Variants in RALGPS1 observed in about 807,000 individuals in gnomAD.
RALGPS1 encodes ras-specific guanine nucleotide-releasing factor RalGPS1.
Under a neutral mutation model 78.8 loss-of-function variants are expected in RALGPS1, and 19 were observed. The ratio of observed to expected loss-of-function variants is 0.24; its 90% CI spans 0.17 to 0.35. RALGPS1 has a LOEUF of 0.35. Ranked by LOEUF, RALGPS1 falls within the 10% of genes least tolerant of loss-of-function variation. RALGPS1 has a pLI of 1.00. For synonymous variants in RALGPS1, 228 were observed against 256.3 expected (o/e 0.89, Z 1.06); for missense variants, 454 against 688.3 (o/e 0.66, Z 3.81).
intron 1 of RALGPS1, among the ~76,000 whole-genome samples, chr9:126,946,862 A>T (rs2037322445): frequency 6.6e-6 from 1 of 152,158 alleles, no homozygotes; most frequent in Non-Finnish European, 1.5e-5. Flanking sequence ...GGAAGAAATC[A>T]GGTCTTGTCA....
chr9:127,216,808 C>T, intron 18 of RALGPS1: 1 of 1,153,598 alleles, frequency 8.7e-7, no homozygotes, highest in African/African-American at 1.6e-5. Context: ...CTGGCCTCCT[C>T]CATACTGGTC....
rs2042640660 is a variant in RALGPS1 at position 126,995,344 on chromosome 9, A to G, written c.216+17599A>G. On this transcript the variant is annotated intron_variant, in intron 4 of 18. Transcript: ENST00000259351. ...TAAAGGGATAGAGGAAGATCTACCA[A>G]GCAAATGGAAAACAAAAAAAGGCAA... is the stretch of plus-strand genomic sequence containing the variant. 2.0e-5 allele frequency among the ~76,000 whole-genome samples: 3 copies of G among 152,292 alleles called. No homozygotes were observed. The South Asian group carries it at 6.2e-4, about 32-fold the overall frequency.
intron 7 of RALGPS1, among the ~76,000 whole-genome samples, chr9:127,060,678 G>A (rs2049134698): frequency 6.6e-6 from 1 of 152,078 alleles, no homozygotes; most frequent in Non-Finnish European, 1.5e-5. Flanking sequence ...GGGACTTGCT[G>A]TCTCTGGGCC....
chr9:127,218,679 A>C lies in RALGPS1; in HGVS notation c.1645-61A>C. The stretch of plus-strand genomic sequence containing the variant: ...AGGCCTGTCCCTTCCCCTAGGGACC[A>C]CCACCCCTTGTCCTTCTCTGAGGTC... On this transcript the variant is annotated intron_variant, in intron 18 of 18. Transcript: ENST00000259351. The surrounding 1 kb of genome is among the most constrained non-coding windows in gnomAD (Gnocchi z 4.4). The C allele has an allele frequency of 6.4e-7, 1 of 1,560,748 alleles. No individual in the cohort carries two copies. The highest frequency in any genetic ancestry group is 8.8e-7 in the Non-Finnish European group (1 of 1,131,604).
At chr9:126,933,124 G>A (rs756347277) in intron 1 of RALGPS1, among the ~76,000 whole-genome samples, 2 of 152,150 alleles carry the variant, frequency 1.3e-5, no homozygotes, top group Non-Finnish European at 2.9e-5. Context: ...AAAGGAAGGC[G>A]GCGCTGGTGT....
Position 127,215,719 on chromosome 9 carries a change from T to C in RALGPS1, c.1644+877T>C, listed in dbSNP as rs191011836. Among the ~76,000 whole-genome samples, 27 of 152,306 alleles carry C rather than the reference T, an allele frequency of 1.8e-4. No individual in the cohort carries two copies. The East Asian group carries it at 4.8e-3, about 27-fold the overall frequency. On this transcript the variant is annotated intron_variant, in intron 18 of 18. Coordinates refer to ENST00000259351, the MANE Select transcript of RALGPS1 (RefSeq NM_014636.3). ...GCACATCCCCAGCTGTCAAGGCTTA[T>C]GAGAGAAATGGCTACCTGAGCCCTC...
At chr9:127,121,063 C>T (rs2056030378) in intron 8 of RALGPS1, among the ~76,000 whole-genome samples, 2 of 152,172 alleles carry the variant, frequency 1.3e-5, no homozygotes, top group South Asian at 4.1e-4. Flanking sequence ...CTGGCACTTA[C>T]TAGCCATGTA....
intron 3 of RALGPS1, among the ~76,000 whole-genome samples, chr9:126,968,331 A>G (rs1167590619): frequency 1.3e-5 from 2 of 152,226 alleles, no homozygotes; most frequent in African/African-American, 4.8e-5. Flanking sequence ...CAACAACTCA[A>G]TGAGTCATAT....
intron 4 of RALGPS1, among the ~76,000 whole-genome samples, chr9:126,984,444 T>C (rs2041611477): frequency 6.6e-6 from 1 of 152,242 alleles, no homozygotes; most frequent in Non-Finnish European, 1.5e-5. Context: ...CCTCATCAGC[T>C]AGGGCTACTT....
intron 4 of RALGPS1, among the ~76,000 whole-genome samples, chr9:127,009,018 C>T (rs1250858280): frequency 9.2e-5 from 14 of 152,216 alleles, no homozygotes; most frequent in Admixed American, 3.3e-4. Context: ...TCAAAATCCA[C>T]GCAAGATCCT....
At chr9:127,194,974 C>G in intron 11 of RALGPS1, 117 bp from the exon 12 acceptor site, 1 of 1,247,684 alleles carries the variant, frequency 8.0e-7, no homozygotes, top group Non-Finnish European at 1.1e-6. Flanking sequence ...CCTGTGACAG[C>G]TGGGCCAGTT....
At chr9:127,136,881 T>C (rs1288048976) in intron 8 of RALGPS1, among the ~76,000 whole-genome samples, 1 of 152,178 alleles carries the variant, frequency 6.6e-6, no homozygotes. Flanking sequence ...AACACTGCTC[T>C]AGATTCTCAT....
chr9:127,052,404 C>T (rs770771820), intron 6 of RALGPS1, among the ~76,000 whole-genome samples: 2 of 152,204 alleles, frequency 1.3e-5, no homozygotes, highest in African/African-American at 2.4e-5. Context: ...TGGGGAAGCC[C>T]GAGCATTGCC....
intron 1 of RALGPS1, among the ~76,000 whole-genome samples, chr9:126,931,633 A>T (rs970910988): frequency 2.0e-5 from 3 of 152,178 alleles, no homozygotes; most frequent in Non-Finnish European, 4.4e-5. Context: ...AGTGGGGAGT[A>T]ACTGCTGATG....
At chr9:127,162,072 G>A (rs183665905) in intron 8 of RALGPS1, among the ~76,000 whole-genome samples, 1 of 152,222 alleles carries the variant, frequency 6.6e-6, no homozygotes, top group East Asian at 1.9e-4. Flanking sequence ...ACAAAACGAG[G>A]GTAACATGTG....
At position 127,000,534 on chromosome 9, in the gene RALGPS1, C is replaced by CTTT. The variant is rs1163116649; in HGVS notation, c.216+22818_216+22820dup. Among the ~76,000 whole-genome samples, 48 of 33,318 alleles carry CTTT rather than the reference C, an allele frequency of 1.4e-3. 4 individuals carry two copies. Among genetic ancestry groups the CTTT allele is most frequent in the East Asian group, 6.6e-3 (5 of 756 alleles). The allele number at this position is 33,318 out of a possible 152,430, so 21.9% of individuals were successfully genotyped here. A position where few individuals can be genotyped will look rare whatever the true frequency, so the allele number is the denominator to read the frequency against. ...TCCTGCTATTGATTTCTTGTCTTGT[C>CTTT]TTTTTTTTTTTTTTTTTTTTTTTTT... On this transcript the variant is annotated intron_variant, in intron 4 of 18. Coordinates refer to ENST00000259351, the MANE Select transcript of RALGPS1 (RefSeq NM_014636.3).
rs1382137243 is a variant in RALGPS1 at position 126,926,187 on chromosome 9, A to G, written c.-66+11212A>G. Reference sequence around the variant, plus strand: ...CTTCCTTTGCTTCTTGAAGGTGTGGAAGCAAATACTTGGACCTCATTAGTG... The same window carrying G: ...CTTCCTTTGCTTCTTGAAGGTGTGGGAGCAAATACTTGGACCTCATTAGTG... On this transcript the variant is annotated intron_variant, in intron 1 of 18. Coordinates refer to ENST00000259351, the MANE Select transcript of RALGPS1 (RefSeq NM_014636.3). Among the ~76,000 whole-genome samples the G allele has an allele frequency of 1.3e-5, 2 of 152,246 alleles. 1 individual carries two copies. Among genetic ancestry groups the G allele is most frequent in the South Asian group, 4.1e-4 (2 of 4,830 alleles).
rs1364116147 is a variant in RALGPS1, at chr9:126,962,273, C to T, written c.-17C>T. 1.2e-6 allele frequency: 2 copies of T among 1,614,026 alleles called. No homozygotes were observed. Among genetic ancestry groups the T allele is most frequent in the East Asian group, 2.2e-5 (1 of 44,856 alleles). ...ACCTGCAGAGGCTGCCCTGAAGCTC[C>T]CTGTGGCCTGGAGACTATGTACAAG... On this transcript the variant is annotated 5_prime_UTR_variant, in exon 2 of 19. Coordinates refer to ENST00000259351, the MANE Select transcript of RALGPS1 (RefSeq NM_014636.3).
At chr9:127,209,167 T>G (rs1179475187) in intron 14 of RALGPS1, among the ~76,000 whole-genome samples, 1 of 152,038 alleles carries the variant, frequency 6.6e-6, no homozygotes, top group Non-Finnish European at 1.5e-5. Flanking sequence ...TCAGAAGAAA[T>G]CCCCGGTGAT....
Sources: gnomAD v4.1 joint callset for allele counts (sites outside exome capture counted in the v4.1 genomes callset) on GRCh38, gnomAD v4.1.1 for gene constraint, Gnocchi (gnomAD v3.1) non-coding constraint, MANE v1.5 for transcripts, NCBI Gene and HGNC (gene_info 2026-07-23, HGNC 2026-07-21) for gene names.